TBPL1: variants seen among roughly 807,000 people sequenced by gnomAD.
The protein encoded by TBPL1 is TATA-box binding protein like 1.
A neutral mutation model predicts 22.1 loss-of-function variants in TBPL1; 4 were observed. The observed-to-expected ratio is 0.18, with a 90% CI of 0.09 to 0.41. TBPL1 has a LOEUF of 0.41. Ranked by LOEUF, TBPL1 falls within the 10% of genes least tolerant of loss-of-function variation. The pLI is 1.00. For synonymous variants in TBPL1, 64 were observed against 71.0 expected (o/e 0.90, Z 0.50); for missense variants, 115 against 222.3 (o/e 0.52, Z 3.07).
chr6:133,977,790 C>T (rs1339533737), intron 1 of TBPL1, among the ~76,000 whole-genome samples: 1 of 152,120 alleles, frequency 6.6e-6, no homozygotes, highest in African/African-American at 2.4e-5. Flanking sequence ...GGCCAGGCTG[C>T]TTCTATCTTG....
At chr6:133,971,186 T>A (rs1776215148) in intron 1 of TBPL1, among the ~76,000 whole-genome samples, 1 of 152,018 alleles carries the variant, frequency 6.6e-6, no homozygotes, top group Admixed American at 6.6e-5. Flanking sequence ...AGTGAGATCA[T>A]GAGGAATTTG....
At chr6:133,972,444 T>G (rs1776240349) in intron 1 of TBPL1, among the ~76,000 whole-genome samples, 1 of 152,252 alleles carries the variant, frequency 6.6e-6, no homozygotes, top group African/African-American at 2.4e-5. Flanking sequence ...TTTTATTTTG[T>G]TGGTAGTGCC....
At chr6:133,954,052 T>TA (rs1268185842) in intron 1 of TBPL1, among the ~76,000 whole-genome samples, 2 of 152,088 alleles carry the variant, frequency 1.3e-5, no homozygotes, top group African/African-American at 4.8e-5. Context: ...GGATAAGTGA[T>TA]AAAAATAGCC....
At chr6:133,973,748 A>G (rs1374331071) in intron 1 of TBPL1, among the ~76,000 whole-genome samples, 1 of 152,182 alleles carries the variant, frequency 6.6e-6, no homozygotes, top group African/African-American at 2.4e-5. Flanking sequence ...AGCTAGAAAT[A>G]TGCCACTTCC....
At chr6:133,961,328 C>G (rs1410785585) in intron 1 of TBPL1, among the ~76,000 whole-genome samples, 3 of 152,138 alleles carry the variant, frequency 2.0e-5, no homozygotes, top group African/African-American at 7.2e-5. Flanking sequence ...AGCTTGGTGT[C>G]TGCAGTTCAG....
intron 1 of TBPL1, among the ~76,000 whole-genome samples, chr6:133,976,228 C>T (rs915238905): frequency 2.6e-5 from 4 of 151,562 alleles, no homozygotes; most frequent in Non-Finnish European, 5.9e-5. Flanking sequence ...TAGAATTAAA[C>T]GAAATAATTT....
intron 1 of TBPL1, among the ~76,000 whole-genome samples, chr6:133,964,228 G>T (rs1776078382): frequency 6.6e-6 from 1 of 152,000 alleles, no homozygotes; most frequent in African/African-American, 2.4e-5. Context: ...CTGATCTCTA[G>T]CCAAGTTCTC....
chr6:133,969,498 C>T (rs990543807), intron 1 of TBPL1, among the ~76,000 whole-genome samples: 1 of 152,080 alleles, frequency 6.6e-6, no homozygotes, highest in Admixed American at 6.5e-5. Flanking sequence ...TTCTGTTTAA[C>T]TGAATGTAAT....
At chr6:133,976,234 A>T (rs1212602262) in intron 1 of TBPL1, among the ~76,000 whole-genome samples, 1 of 152,154 alleles carries the variant, frequency 6.6e-6, no homozygotes, top group African/African-American at 2.4e-5. Flanking sequence ...TAAACGAAAT[A>T]ATTTGGAATT....
At position 133,963,947 on chromosome 6, in the gene TBPL1, G is replaced by A. The variant is rs376775693; in HGVS notation, c.-45+10522G>A. On this transcript the variant is annotated intron_variant, in intron 1 of 6. Transcript: ENST00000237264. Reference sequence around the variant, plus strand: ...TCGCAGCTACTCGGGAGGCTGAGGCGGGAGAATGGTGGGAACCTGGGAGGC... The same window carrying A: ...TCGCAGCTACTCGGGAGGCTGAGGCAGGAGAATGGTGGGAACCTGGGAGGC... 8.3e-3 allele frequency among the ~76,000 whole-genome samples: 1,266 copies of A among 151,816 alleles called. 35 individuals are homozygous for A. The highest frequency in any genetic ancestry group is 0.061 in the Admixed American group (934 of 15,260).
At chr6:133,961,301 AAC>A (rs1776018326) in intron 1 of TBPL1, among the ~76,000 whole-genome samples, 1 of 152,088 alleles carries the variant, frequency 6.6e-6, no homozygotes. Flanking sequence ...ATTTAAATTA[AAC>A]AGTTATCTTC....
chr6:133,957,360 A>G (rs1775944518), intron 1 of TBPL1, among the ~76,000 whole-genome samples: 1 of 152,220 alleles, frequency 6.6e-6, no homozygotes, highest in African/African-American at 2.4e-5. Flanking sequence ...TTCTTAGGAC[A>G]TATGTGGATG....
intron 6 of TBPL1, among the ~76,000 whole-genome samples, chr6:133,985,289 AAAAAAAAAATATATATATATATAT>A (rs1169741776): frequency 1.6e-5 from 1 of 63,872 alleles, no homozygotes; most frequent in African/African-American, 6.2e-5. Context: ...AAAAAAAAAA[AAAAAAAAAATATATATATATATAT>A]ATATATATAT....
Position 133,982,559 on chromosome 6 carries a change from T to TC in TBPL1, c.136-3dup, listed in dbSNP as rs774550862. ...GCTTATGAGGTAATCAGATTTTTTT[T>TC]CCCCCCAGAAAGTATTAATGAAGCT... On this transcript the variant is annotated splice_polypyrimidine_tract_variant and intron_variant, in intron 2 of 6. Transcript: ENST00000237264. 2 of 1,606,298 alleles carry TC rather than the reference T, an allele frequency of 1.2e-6. No homozygotes were observed. Among genetic ancestry groups the TC allele is most frequent in the South Asian group, 2.2e-5 (2 of 89,176 alleles).
chr6:133,956,450 A>G (rs1772065491), intron 1 of TBPL1, among the ~76,000 whole-genome samples: 1 of 152,204 alleles, frequency 6.6e-6, no homozygotes, highest in Non-Finnish European at 1.5e-5. Flanking sequence ...ACAGACACAA[A>G]TATGAATTTT....
chr6:133,953,179 C>G (rs113696984), upstream of TBPL1: 1 of 152,642 alleles, frequency 6.6e-6, no homozygotes, highest in Non-Finnish European at 1.5e-5. Flanking sequence ...TCTCTATGCT[C>G]CCCAGCGTCT....
In TBPL1 at chr6:133,974,575, C is replaced by T. The variant is rs528291262; in HGVS notation, c.-44-5507C>T. On this transcript the variant is annotated intron_variant, in intron 1 of 6. Transcript: ENST00000237264. ...AACTCCTGACCTCGTGATCCACTCACCTTGCCCTCCCAAAGTGCTGGGATT... is the reference window on the plus strand; with the variant it reads ...AACTCCTGACCTCGTGATCCACTCATCTTGCCCTCCCAAAGTGCTGGGATT... 3.9e-5 allele frequency among the ~76,000 whole-genome samples: 6 copies of T among 152,380 alleles called. No individual in the cohort carries two copies. The East Asian group carries it at 1.2e-3, about 29-fold the overall frequency.
At chr6:133,967,442 A>G (rs1776138894) in intron 1 of TBPL1, among the ~76,000 whole-genome samples, 1 of 152,256 alleles carries the variant, frequency 6.6e-6, no homozygotes, top group Non-Finnish European at 1.5e-5. Context: ...CTTTAAAGAA[A>G]TACAAATGGT....
upstream of TBPL1, chr6:133,952,507 T>C (rs114387262): frequency 5.1e-3 from 780 of 152,444 alleles, 3 homozygotes; most frequent in African/African-American, 0.018. This position sits in a 1 kb window ranked among gnomAD's most constrained non-coding sequence, Gnocchi z 4.5. Context: ...CATACGGTCC[T>C]GCGTTATCCC....
Sources: allele counts gnomAD v4.1 joint callset (sites outside exome capture counted in the v4.1 genomes callset), GRCh38; gene constraint gnomAD v4.1.1; non-coding constraint Gnocchi (gnomAD v3.1); transcripts MANE v1.5; gene names NCBI Gene and HGNC (gene_info 2026-07-23, HGNC 2026-07-21).